Variants in MCUB observed in about 807,000 individuals in gnomAD.
MCUB encodes the protein mitochondrial calcium uniporter dominant negative subunit beta, also known as calcium uniporter regulatory subunit MCUb, mitochondrial.
MCUB carries 46 observed loss-of-function variants against 41.4 expected under a neutral mutation model. That is an observed-to-expected ratio of 1.11 (90% CI 0.88 to 1.42). The LOEUF (loss-of-function observed/expected upper bound fraction) is 1.42, where lower values mean the gene tolerates loss of function less well. Among genes scored for constraint, MCUB ranks in the 40% most tolerant of loss-of-function variants. The probability of loss-of-function intolerance (pLI) is 0.00; values close to 1 mark genes in which losing one functional copy is unlikely to be tolerated. For synonymous variants in MCUB, 148 were observed against 148.2 expected (o/e 1.00, Z 0.01); for missense variants, 403 against 404.9 (o/e 1.00, Z 0.04).
At chr4:109,626,218 C>T (rs190663025) in intron 1 of MCUB, among the ~76,000 whole-genome samples, 68 of 152,200 alleles carry the variant, frequency 4.5e-4, no homozygotes, top group Admixed American at 6.5e-4. Context: ...AAATTCCTTC[C>T]TGAAATTCTT....
At chr4:109,625,673 A>G (rs1310986742) in intron 1 of MCUB, among the ~76,000 whole-genome samples, 2 of 152,218 alleles carry the variant, frequency 1.3e-5, no homozygotes, top group Admixed American at 6.5e-5. Context: ...TACAATTACA[A>G]TCACTCTTTG....
intron 1 of MCUB, among the ~76,000 whole-genome samples, chr4:109,632,903 C>T (rs924250753): frequency 1.3e-5 from 2 of 152,154 alleles, no homozygotes; most frequent in African/African-American, 4.8e-5. Context: ...GCATGAGCCA[C>T]CACACCTGCC....
At chr4:109,657,920 C>T (rs1729141577) in intron 1 of MCUB, among the ~76,000 whole-genome samples, 1 of 152,210 alleles carries the variant, frequency 6.6e-6, no homozygotes, top group African/African-American at 2.4e-5. Context: ...AGCCATTAGG[C>T]ATAGGGAGCT....
chr4:109,687,017 A>ATT (rs200539952), intron 7 of MCUB, among the ~76,000 whole-genome samples: 1 of 150,950 alleles, frequency 6.6e-6, no homozygotes, highest in Non-Finnish European at 1.5e-5. Context: ...TATAAACTGT[A>ATT]TTTTTTTTTA....
chr4:109,663,581 T>C (rs1375103365), intron 3 of MCUB, among the ~76,000 whole-genome samples: 6 of 152,248 alleles, frequency 3.9e-5, no homozygotes, highest in African/African-American at 4.8e-5. Flanking sequence ...TCTTCATTTT[T>C]TTCAAGCTTG....
intron 3 of MCUB, 67 bp downstream of exon 3, chr4:109,660,432 TCTTTA>T (rs1368115211): frequency 2.5e-6 from 2 of 798,238 alleles, no homozygotes; most frequent in Non-Finnish European, 4.0e-6. Flanking sequence ...TTTGTTTGGT[TCTTTA>T]CTTTTCTAGA....
rs1409265672 is a variant in MCUB at position 109,618,990 on chromosome 4, A to G, written c.100-40021A>G. ...TCTCTCTCTCTCTCTCTCTCTCTCT[A>G]CCTACCAACCTACCTACCTACCTAC... On this transcript the variant is annotated intron_variant, in intron 1 of 7. Transcript: ENST00000394650. Among the ~76,000 whole-genome samples, 11 of 94,142 alleles carry G rather than the reference A, an allele frequency of 1.2e-4. No homozygotes were observed. The East Asian group carries it at 2.7e-3, about 23-fold the overall frequency. The allele number at this position is 94,142 out of a possible 152,430, so 61.8% of individuals were successfully genotyped here.
At chr4:109,609,884 C>G (rs1727966472) in intron 1 of MCUB, among the ~76,000 whole-genome samples, 1 of 152,178 alleles carries the variant, frequency 6.6e-6, no homozygotes, top group South Asian at 2.1e-4. Context: ...GAGGGCGAAG[C>G]AGGTCCAGAG....
At chr4:109,598,401 A>C (rs1336427232) in intron 1 of MCUB, among the ~76,000 whole-genome samples, 27 of 152,246 alleles carry the variant, frequency 1.8e-4, no homozygotes, top group Non-Finnish European at 2.4e-4. Context: ...AAGACCGGCC[A>C]GGCCAACACA....
chr4:109,677,724 C>T (rs573962032), intron 4 of MCUB, among the ~76,000 whole-genome samples: 2 of 151,714 alleles, frequency 1.3e-5, no homozygotes, highest in East Asian at 1.9e-4. Context: ...AGCAAGAAGG[C>T]CCTTGTCAGA....
intron 1 of MCUB, among the ~76,000 whole-genome samples, chr4:109,653,765 G>A (rs899127342): frequency 1.3e-5 from 2 of 152,106 alleles, no homozygotes; most frequent in African/African-American, 4.8e-5. Context: ...TGTAGAGATG[G>A]GGTTTCACCA....
chr4:109,573,602 T>G (rs1726963982), intron 1 of MCUB, among the ~76,000 whole-genome samples: 1 of 152,216 alleles, frequency 6.6e-6, no homozygotes, highest in Non-Finnish European at 1.5e-5. Flanking sequence ...AAGTTTCCGT[T>G]GATCCACTCA....
chr4:109,615,626 G>T (rs193180828), intron 1 of MCUB, among the ~76,000 whole-genome samples: 1 of 151,890 alleles, frequency 6.6e-6, no homozygotes, highest in Non-Finnish European at 1.5e-5. Flanking sequence ...AGCCAGGATG[G>T]TCTCGAACTC....
At position 109,566,482 on chromosome 4, in the gene MCUB, AT is replaced by A. The variant is rs1199048063; in HGVS notation, c.99+6047del. Among the ~76,000 whole-genome samples, 220 of 150,378 alleles carry A rather than the reference AT, an allele frequency of 1.5e-3. 1 individual carries two copies. Among genetic ancestry groups the A allele is most frequent in the African/African-American group, 5.1e-3 (206 of 40,460 alleles). On this transcript the variant is annotated intron_variant, in intron 1 of 7. Coordinates refer to ENST00000394650, the MANE Select transcript of MCUB (RefSeq NM_017918.5). ...GAGACTCTGTCTCAAAAAAAAAAAA[AT>A]AAATAAATAAATAAAGGAAAAACAG...
At chr4:109,660,497 C>G (rs1729206332) in intron 3 of MCUB, 132 bp downstream of exon 3, 1 of 504,338 alleles carries the variant, frequency 2.0e-6, no homozygotes, top group Non-Finnish European at 3.5e-6. Context: ...TTTATTCTTT[C>G]ATTTTTATGC....
intron 1 of MCUB, among the ~76,000 whole-genome samples, chr4:109,575,238 G>A (rs1726999872): frequency 6.6e-6 from 1 of 152,144 alleles, no homozygotes; most frequent in African/African-American, 2.4e-5. Flanking sequence ...TGTTCTGCCC[G>A]CTCCTTACCA....
chr4:109,632,075 A>G (rs1035486765), intron 1 of MCUB, among the ~76,000 whole-genome samples: 1 of 152,194 alleles, frequency 6.6e-6, no homozygotes, highest in Non-Finnish European at 1.5e-5. Flanking sequence ...AGCCTAGATA[A>G]ATGTTATTAA....
At chr4:109,642,014 T>C (rs1020961236) in intron 1 of MCUB, among the ~76,000 whole-genome samples, 6 of 152,240 alleles carry the variant, frequency 3.9e-5, no homozygotes, top group African/African-American at 1.4e-4. Flanking sequence ...ATGGTCTAGA[T>C]GCATAGCTAA....
In MCUB at chr4:109,685,381, A is replaced by G. The variant is rs993868668; in HGVS notation, c.933+14A>G. On this transcript the variant is annotated intron_variant, in intron 7 of 7. Coordinates refer to ENST00000394650, the MANE Select transcript of MCUB (RefSeq NM_017918.5). ...GACCTTGCTAAGGTATACTACAAATACATCTTATAGCTGGTTTGTTTGGGA... is the reference window on the plus strand; with the variant it reads ...GACCTTGCTAAGGTATACTACAAATGCATCTTATAGCTGGTTTGTTTGGGA... 9.1e-7 allele frequency: 1 copy of G among 1,097,100 alleles called. No homozygotes were observed. Among genetic ancestry groups the G allele is most frequent in the Non-Finnish European group, 1.4e-6 (1 of 710,924 alleles). 68.0% of individuals were successfully genotyped at this position (1,097,100 alleles called of 1,614,324 possible).
Sources: gnomAD v4.1 joint callset for allele counts (sites outside exome capture counted in the v4.1 genomes callset) on GRCh38, gnomAD v4.1.1 for gene constraint, MANE v1.5 for transcripts, NCBI Gene and HGNC (gene_info 2026-07-23, HGNC 2026-07-21) for gene names.